TNFRSF11B: variants seen among roughly 807,000 people sequenced by gnomAD.
TNFRSF11B encodes TNF receptor superfamily member 11b.
Under a neutral mutation model 43.4 loss-of-function variants are expected in TNFRSF11B, and 16 were observed. The ratio of observed to expected loss-of-function variants is 0.37; its 90% CI spans 0.25 to 0.56. The LOEUF is 0.56. TNFRSF11B is among the 20% of genes least tolerant of loss of function. The pLI is 0.80. For synonymous variants in TNFRSF11B, 185 were observed against 181.8 expected, an observed-to-expected ratio of 1.02 and a Z score of -0.14; for missense variants, 444 against 490.1, an observed-to-expected ratio of 0.91 and a Z score of 0.89.
Position 118,924,743 on chromosome 8 carries a change from G to A in TNFRSF11B, c.837C>T (p.Asn279=), listed in dbSNP as rs778507017. The A allele has an allele frequency of 6.2e-7, 1 of 1,614,112 alleles. No individual in the cohort carries two copies. The highest frequency in any genetic ancestry group is 2.2e-5 in the East Asian group (1 of 44,876). ...KIIQDIDLCE[N]SVQRHIGHAN... is the part of the protein sequence containing the mutation. ...CATGTCCAATGTGCCGCTGCACGCT[G>A]TTTTCACAGAGGTCAATATCTGCAT... The change falls in exon 5 of 5, where the codon AAC becomes AAT. Residue 279 remains asparagine, a synonymous_variant. Coordinates refer to ENST00000297350, the MANE Select transcript of TNFRSF11B (RefSeq NM_002546.4).
intron 1 of TNFRSF11B, among the ~76,000 whole-genome samples, chr8:118,939,855 C>CA (rs959876128): frequency 2.6e-5 from 4 of 151,892 alleles, no homozygotes; most frequent in African/African-American, 9.7e-5. Context: ...GTGTACAAGC[C>CA]AAAAAGGACA....
At chr8:118,941,726 A>T (rs11573863) in intron 1 of TNFRSF11B, among the ~76,000 whole-genome samples, 2,821 of 151,906 alleles carry the variant, frequency 0.019, 86 homozygotes, top group African/African-American at 0.063. Context: ...AGGCAAAAAA[A>T]CAAAAAACAA....
chr8:118,951,584 G>C (rs750448032), intron 1 of TNFRSF11B, among the ~76,000 whole-genome samples: 9 of 152,122 alleles, frequency 5.9e-5, no homozygotes, highest in Non-Finnish European at 8.8e-5. Flanking sequence ...CTTCCATAAA[G>C]TCAGCAGGAA....
In TNFRSF11B at chr8:118,926,789, CAAA is replaced by C. The variant is rs1453703198; in HGVS notation, c.593-74_593-72del. 5.1e-6 allele frequency: 7 copies of C among 1,363,690 alleles called. No homozygotes were observed. The African/African-American group carries it at 1.0e-4, about 20-fold the overall frequency. 84.5% of individuals were successfully genotyped at this position (1,363,690 alleles called of 1,614,324 possible). A position where few individuals can be genotyped will look rare whatever the true frequency, so the allele number is the denominator to read the frequency against. On this transcript the variant is annotated intron_variant, in intron 3 of 4. Transcript: ENST00000297350. ...TTTCTGAGAGTCTATTCAATACAAA[CAAA>C]AACAAAAAACCAACACAATTGAATT...
At chr8:118,926,830 A>C in intron 3 of TNFRSF11B, 112 bp from the exon 4 acceptor site, 2 of 1,064,908 alleles carry the variant, frequency 1.9e-6, no homozygotes, top group Non-Finnish European at 2.8e-6. Context: ...CCAAGATAAA[A>C]TATGCTAAAA....
chr8:118,928,656 G>A (rs1812280108), intron 3 of TNFRSF11B, 82 bp downstream of exon 3: 1 of 1,455,626 alleles, frequency 6.9e-7, no homozygotes, highest in African/African-American at 1.4e-5. Context: ...GACCAAGAAT[G>A]TGGCTGGAGG....
chr8:118,933,031 G>A lies in TNFRSF11B; in HGVS notation c.300C>T (p.Thr100=). 1 of 1,614,100 alleles carries A rather than the reference G, an allele frequency of 6.2e-7. No homozygotes were observed. The highest frequency in any genetic ancestry group is 8.5e-7 in the Non-Finnish European group (1 of 1,180,010). Residue 100 remains threonine (T), a synonymous_variant, in exon 2 of 5, where the codon ACC becomes ACT. Transcript: ENST00000297350. ...LQYVKQECNR[T]HNRVCECKEG... ...CCTTGCATTCGCACACGCGGTTGTGGGTGCGATTGCACTCCTGCTTGACGT... is the reference window on the plus strand; with the variant it reads ...CCTTGCATTCGCACACGCGGTTGTGAGTGCGATTGCACTCCTGCTTGACGT...
chr8:118,949,234 C>T (rs1194160137), intron 1 of TNFRSF11B, among the ~76,000 whole-genome samples: 1 of 152,080 alleles, frequency 6.6e-6, no homozygotes. Flanking sequence ...GCTACACAAT[C>T]TTGCCTTCTC....
chr8:118,945,493 A>T (rs1184035933), intron 1 of TNFRSF11B, among the ~76,000 whole-genome samples: 4 of 152,134 alleles, frequency 2.6e-5, no homozygotes, highest in East Asian at 3.9e-4. Context: ...ACTTCTATGC[A>T]TGTTGGCTAA....
chr8:118,931,895 T>C (rs1468236573), intron 2 of TNFRSF11B, among the ~76,000 whole-genome samples: 1 of 152,182 alleles, frequency 6.6e-6, no homozygotes, highest in Non-Finnish European at 1.5e-5. Flanking sequence ...CCTGACGACA[T>C]TTGACAGTGT....
chr8:118,924,062 C>A lies in TNFRSF11B; in HGVS notation c.*312G>T. 4.2e-6 allele frequency: 1 copy of A among 238,522 alleles called. No homozygotes were observed. The highest frequency in any genetic ancestry group is 8.3e-6 in the Non-Finnish European group (1 of 121,134). The allele number at this position is 238,522 out of a possible 1,614,324, so 14.8% of individuals were successfully genotyped here. A position where few individuals can be genotyped will look rare whatever the true frequency, so the allele number is the denominator to read the frequency against. On this transcript the variant is annotated 3_prime_UTR_variant, in exon 5 of 5. Transcript: ENST00000297350. ...TCAAAGCTATTTAAGTTAGACATTC[C>A]CATATTTAGTAAGGCACAATGGAGT... is the stretch of plus-strand genomic sequence containing the variant.
At chr8:118,947,587 G>A (rs1812583833) in intron 1 of TNFRSF11B, among the ~76,000 whole-genome samples, 1 of 152,066 alleles carries the variant, frequency 6.6e-6, no homozygotes, top group Non-Finnish European at 1.5e-5. Context: ...ATTGACCACT[G>A]ATATAAGAAA....
In TNFRSF11B at chr8:118,951,875, G is replaced by A; in HGVS notation, c.-54C>T. On this transcript the variant is annotated 5_prime_UTR_variant, in exon 1 of 5. Transcript: ENST00000297350. ...GAGGCGGCGGCTGGGCGAGCGCTCC[G>A]GTGCGTCTCCGCAGCCCGTGCGCTC... The A allele has an allele frequency of 5.3e-6, 8 of 1,516,096 alleles. No homozygotes were observed. Among genetic ancestry groups the A allele is most frequent in the Admixed American group, 1.9e-5 (1 of 52,690 alleles). 93.9% of individuals were successfully genotyped at this position (1,516,096 alleles called of 1,614,324 possible). A position where few individuals can be genotyped will look rare whatever the true frequency, so the allele number is the denominator to read the frequency against.
At chr8:118,926,407 C>A in intron 4 of TNFRSF11B, 87 bp downstream of exon 4, 1 of 1,238,116 alleles carries the variant, frequency 8.1e-7, no homozygotes, top group Non-Finnish European at 1.2e-6. Flanking sequence ...ATCCACACAA[C>A]TAAACATACA....
intron 1 of TNFRSF11B, among the ~76,000 whole-genome samples, chr8:118,935,532 A>C (rs990631770): frequency 6.6e-6 from 1 of 150,678 alleles, no homozygotes; most frequent in Non-Finnish European, 1.5e-5. Flanking sequence ...CTTTGTTGCT[A>C]GTTTGTCATT....
intron 1 of TNFRSF11B, among the ~76,000 whole-genome samples, chr8:118,948,252 T>A (rs1175454868): frequency 1.3e-5 from 2 of 152,196 alleles, no homozygotes; most frequent in Non-Finnish European, 2.9e-5. Flanking sequence ...GTAAGATCAC[T>A]GTTTCCCTTC....
At chr8:118,944,072 G>T (rs1563693559) in intron 1 of TNFRSF11B, among the ~76,000 whole-genome samples, 2 of 152,130 alleles carry the variant, frequency 1.3e-5, no homozygotes, top group African/African-American at 4.8e-5. Context: ...AATGTTCTTT[G>T]CAGTTGCTTA....
intron 4 of TNFRSF11B, among the ~76,000 whole-genome samples, chr8:118,925,189 A>T (rs981609321): frequency 2.0e-5 from 3 of 152,248 alleles, no homozygotes; most frequent in Non-Finnish European, 4.4e-5. Context: ...ACTAGCCTTT[A>T]AAGAATACAC....
rs1024514219 is a variant in TNFRSF11B at position 118,929,018 on chromosome 8, A to C, written c.401-89T>G. 31 of 1,277,312 alleles carry C rather than the reference A, an allele frequency of 2.4e-5. No individual in the cohort carries two copies. In the African/African-American group the frequency reaches 4.0e-4, roughly 16 times the overall value. 79.1% of individuals were successfully genotyped at this position (1,277,312 alleles called of 1,614,324 possible). A position where few individuals can be genotyped will look rare whatever the true frequency, so the allele number is the denominator to read the frequency against. On this transcript the variant is annotated intron_variant, in intron 2 of 4. Transcript: ENST00000297350. ...TAACACAGTTTTGGAAAGACTTTTC[A>C]CTTGGTTTTTACTGCTACTATTATG...
Sources: allele counts gnomAD v4.1 joint callset (sites outside exome capture counted in the v4.1 genomes callset), GRCh38; gene constraint gnomAD v4.1.1; transcripts MANE v1.5; gene names NCBI Gene and HGNC (gene_info 2026-07-23, HGNC 2026-07-21).